DZANK1: variants seen among roughly 807,000 people sequenced by gnomAD.
DZANK1 encodes the protein double zinc ribbon and ankyrin repeat domains 1, also known as double zinc ribbon and ankyrin repeat-containing protein 1.
DZANK1 carries 91 observed loss-of-function variants against 94.5 expected under a neutral mutation model. The observed-to-expected ratio is 0.96, with a 90% CI of 0.81 to 1.15. DZANK1 has a LOEUF of 1.15. Among genes scored for constraint, DZANK1 ranks in the 50% most tolerant of loss-of-function variants. DZANK1 has a pLI of 0.00. For missense variants in DZANK1, 903 were observed against 916.4 expected (o/e 0.99, Z 0.19); for synonymous variants, 312 against 325.3 (o/e 0.96, Z 0.44).
In DZANK1 at chr20:18,392,128, GA is replaced by G. The variant is rs551161015; in HGVS notation, c.1809+1582del. Among the ~76,000 whole-genome samples, 20 of 151,704 alleles carry G rather than the reference GA, an allele frequency of 1.3e-4. No homozygotes were observed. The South Asian group carries it at 4.0e-3, about 30-fold the overall frequency. On this transcript the variant is annotated intron_variant, in intron 17 of 20. Coordinates refer to ENST00000262547, the Ensembl canonical transcript of DZANK1. ...ATACTTATCCCCTAAGTGCAAATGA[GA>G]AAAAAAAGCCATATACAGTGGAAGA...
At chr20:18,448,830 G>A (rs1029529252) in intron 7 of DZANK1, among the ~76,000 whole-genome samples, 154 bp downstream of exon 7, 107 of 143,868 alleles carry the variant, frequency 7.4e-4, no homozygotes, top group Non-Finnish European at 1.3e-3. Context: ...CTGCACCACC[G>A]CACTCCAGCC....
intron 7 of DZANK1, among the ~76,000 whole-genome samples, chr20:18,446,051 C>A (rs1256555239): frequency 6.9e-6 from 1 of 145,640 alleles, no homozygotes; most frequent in Admixed American, 7.0e-5. Context: ...AGGCATGGGC[C>A]ACCACGCCCA....
intron 19 of DZANK1, among the ~76,000 whole-genome samples, chr20:18,389,175 G>A (rs2048694305): frequency 1.3e-5 from 2 of 152,210 alleles, no homozygotes; most frequent in Admixed American, 1.3e-4. Context: ...GTAAGTAACA[G>A]GACTTGGTAC....
chr20:18,464,744 C>T lies in DZANK1; in HGVS notation c.109+506G>A, dbSNP rs940468320. ...AGGCTGGAGTGCACTGGCGCGATCTCGGCTCACTGCAACCTCCATCACCCA... is the reference window on the plus strand; with the variant it reads ...AGGCTGGAGTGCACTGGCGCGATCTTGGCTCACTGCAACCTCCATCACCCA... On this transcript the variant is annotated intron_variant, in intron 2 of 20. Transcript: ENST00000262547. Among the ~76,000 whole-genome samples, 8 of 137,388 alleles carry T rather than the reference C, an allele frequency of 5.8e-5. No individual in the cohort carries two copies. The East Asian group carries it at 1.1e-3, about 20-fold the overall frequency. 90.1% of individuals were successfully genotyped at this position (137,388 alleles called of 152,430 possible).
At chr20:18,458,346 C>T (rs1316428957) in intron 3 of DZANK1, among the ~76,000 whole-genome samples, 1 of 152,090 alleles carries the variant, frequency 6.6e-6, no homozygotes, top group African/African-American at 2.4e-5. Context: ...ATTTAGCCAC[C>T]TATGAGTCAC....
chr20:18,431,973 C>T lies in DZANK1; in HGVS notation c.861+1679G>A, dbSNP rs16979136. Among the ~76,000 whole-genome samples, 363 of 152,286 alleles carry T rather than the reference C, an allele frequency of 2.4e-3. 5 individuals are homozygous for T. Among genetic ancestry groups the T allele is most frequent in the Admixed American group, 0.02 (305 of 15,296 alleles). Reference sequence around the variant, plus strand: ...TTATTCCTATTATAACTTATTATGTCATAAAAATGTCTCTTATAAAAATTG... The same window carrying T: ...TTATTCCTATTATAACTTATTATGTTATAAAAATGTCTCTTATAAAAATTG... On this transcript the variant is annotated intron_variant, in intron 9 of 20. Coordinates refer to ENST00000262547, the Ensembl canonical transcript of DZANK1.
intron 15 of DZANK1, chr20:18,394,829 C>T (rs532401380): frequency 4.4e-6 from 2 of 456,892 alleles, no homozygotes; most frequent in South Asian, 3.1e-5. Flanking sequence ...AAGCAGGTTG[C>T]TTAACTTCTC....
intron 9 of DZANK1, among the ~76,000 whole-genome samples, chr20:18,429,153 A>G (rs2058181864): frequency 6.6e-6 from 1 of 152,244 alleles, no homozygotes; most frequent in East Asian, 1.9e-4. Context: ...CCCATTGAGA[A>G]ATGAGACAAA....
At position 18,428,083 on chromosome 20, in the gene DZANK1, G is replaced by A. The variant is rs187253397; in HGVS notation, c.862-924C>T. ...GGAGAATGGTGTGAACCCGGGAGGC[G>A]GAGCTTGCAGTGAGCTGAGACCGCG... On this transcript the variant is annotated intron_variant, in intron 9 of 20. Coordinates refer to ENST00000262547, the Ensembl canonical transcript of DZANK1. Among the ~76,000 whole-genome samples, 500 of 151,166 alleles carry A rather than the reference G, an allele frequency of 3.3e-3. 12 individuals are homozygous for A. The highest frequency in any genetic ancestry group is 0.031 in the Admixed American group (476 of 15,204).
rs530006426 is a variant in DZANK1 at position 18,393,157 on chromosome 20, G to A, written c.1809+554C>T. 1.2e-4 allele frequency among the ~76,000 whole-genome samples: 18 copies of A among 152,204 alleles called. No individual in the cohort carries two copies. In the South Asian group the frequency reaches 3.5e-3, roughly 30 times the overall value. ...ACAGACACAGGGGAGGGTGTAGAGG[G>A]AAAGGAAAAAAGCTTCATCCCAAGC... On this transcript the variant is annotated intron_variant, in intron 17 of 20. Transcript: ENST00000262547.
chr20:18,460,079 G>A (rs868724149), intron 3 of DZANK1, 74 bp downstream of exon 3: 1 of 1,142,714 alleles, frequency 8.8e-7, no homozygotes, highest in Non-Finnish European at 1.2e-6. Flanking sequence ...GATTCTGATA[G>A]GAAAAAATGA....
rs56760325 is a variant in DZANK1, at chr20:18,395,517, A to G, written c.1611+955T>C. 2.4e-3 allele frequency among the ~76,000 whole-genome samples: 364 copies of G among 152,274 alleles called. 5 individuals carry two copies. The highest frequency in any genetic ancestry group is 0.02 in the Admixed American group (305 of 15,298). Reference sequence around the variant, plus strand: ...AGGTTACTCACCCCAGCTGTTGTGTAGCTGCTAAGAGCTTACTGCTGGACC... The same window carrying G: ...AGGTTACTCACCCCAGCTGTTGTGTGGCTGCTAAGAGCTTACTGCTGGACC... On this transcript the variant is annotated intron_variant, in intron 15 of 20. Transcript: ENST00000262547.
chr20:18,434,116 T>A (rs56169750), intron 8 of DZANK1, among the ~76,000 whole-genome samples: 11,508 of 152,038 alleles, frequency 0.076, 846 homozygotes, highest in African/African-American at 0.2. Context: ...TAACAATTAC[T>A]TTTATTATTT....
chr20:18,438,731 C>G (rs1233707690), intron 8 of DZANK1, among the ~76,000 whole-genome samples: 1 of 152,220 alleles, frequency 6.6e-6, no homozygotes, highest in Non-Finnish European at 1.5e-5. Flanking sequence ...AAATTTATTT[C>G]TCAGAGTTTT....
At chr20:18,423,664 A>T (rs1427365586) in intron 10 of DZANK1, among the ~76,000 whole-genome samples, 1 of 152,228 alleles carries the variant, frequency 6.6e-6, no homozygotes, top group Non-Finnish European at 1.5e-5. Context: ...CCTCAATAAG[A>T]GTAAGATAAG....
rs774297801 is a variant in DZANK1, at chr20:18,437,301, G to A, written c.748-3536C>T. On this transcript the variant is annotated intron_variant, in intron 8 of 20. Transcript: ENST00000262547. ...GTTAAGAAAAAGAAAGAAAGGGGCC[G>A]GGTGCGATGGCTCACACTTGTAATT... Among the ~76,000 whole-genome samples, 21 of 152,290 alleles carry A rather than the reference G, an allele frequency of 1.4e-4. 1 individual carries two copies. Among genetic ancestry groups the A allele is most frequent in the Admixed American group, 2.6e-4 (4 of 15,300 alleles).
exon 18 of DZANK1, chr20:18,390,432 C>G: frequency 6.2e-7 from 1 of 1,613,964 alleles, no homozygotes; most frequent in Non-Finnish European, 8.5e-7. Flanking sequence ...GTGGGTCCGA[C>G]TTCCTTCAGC....
chr20:18,446,463 A>G (rs1452545992), intron 7 of DZANK1, among the ~76,000 whole-genome samples: 1 of 152,238 alleles, frequency 6.6e-6, no homozygotes, highest in Non-Finnish European at 1.5e-5. Flanking sequence ...TGAAAACACA[A>G]CATATCAAAA....
intron 8 of DZANK1, among the ~76,000 whole-genome samples, chr20:18,437,954 C>T (rs1186230689): frequency 6.6e-6 from 1 of 152,048 alleles, no homozygotes; most frequent in East Asian, 1.9e-4. Context: ...TGCGGTGGCT[C>T]ACGCCTGTAA....
Sources: allele counts gnomAD v4.1 joint callset (sites outside exome capture counted in the v4.1 genomes callset), GRCh38; gene constraint gnomAD v4.1.1; transcripts MANE v1.5; gene names NCBI Gene and HGNC (gene_info 2026-07-23, HGNC 2026-07-21).